ATP10B: variants seen among roughly 807,000 people sequenced by gnomAD.
The protein encoded by ATP10B is phospholipid-transporting ATPase VB.
Under a neutral mutation model 141.2 loss-of-function variants are expected in ATP10B, and 122 were observed. The ratio of observed to expected loss-of-function variants is 0.86; its 90% CI spans 0.75 to 1.00. The LOEUF is 1.00. Among genes scored for constraint, ATP10B ranks in the 50% least tolerant of loss-of-function variants. The pLI, the probability that ATP10B is intolerant of heterozygous loss-of-function variation, is 0.00. For missense variants in ATP10B, 1,876 were observed against 1,825.3 expected (o/e 1.03, Z -0.51); for synonymous variants, 685 against 692.0 (o/e 0.99, Z 0.16).
intron 7 of ATP10B, among the ~76,000 whole-genome samples, chr5:160,656,260 G>T (rs1761486075): frequency 6.6e-6 from 1 of 152,132 alleles, no homozygotes; most frequent in Non-Finnish European, 1.5e-5. Context: ...TGGCTTTCTT[G>T]TGGGAAACTG....
intron 1 of ATP10B, among the ~76,000 whole-genome samples, chr5:160,813,438 G>A (rs898576118): frequency 1.3e-5 from 2 of 152,214 alleles, no homozygotes; most frequent in African/African-American, 4.8e-5. Flanking sequence ...GCTGGGGGAA[G>A]GGCACCCACC....
rs568208278 is a variant in ATP10B, at chr5:160,685,105, C to T, written c.470+974G>A. ...CTTGCTGGTCTTGATTTGATTCCCA[C>T]GATGATGTCTGTTGGGGTTCTCTTT... On this transcript the variant is annotated intron_variant, in intron 6 of 25. Transcript: ENST00000327245. 2.3e-4 allele frequency: 165 copies of T among 703,418 alleles called. No individual in the cohort carries two copies. In the African/African-American group the frequency reaches 2.4e-3, roughly 10 times the overall value. The allele number at this position is 703,418 out of a possible 1,614,324, so 43.6% of individuals were successfully genotyped here.
rs76820391 is a variant in ATP10B at position 160,799,555 on chromosome 5, T to G, written c.-575-13752A>C. 8.5e-4 allele frequency among the ~76,000 whole-genome samples: 129 copies of G among 151,882 alleles called. 2 individuals are homozygous for G. In the East Asian group the frequency reaches 0.024, roughly 28 times the overall value. ...TGACATTGGTATGAAAAGTGCTTAT[T>G]TGAGGGCGAGAGAGCATGTTTCTTC... On this transcript the variant is annotated intron_variant, in intron 1 of 25. Transcript: ENST00000327245.
Position 160,649,203 on chromosome 5 carries a change from G to T in ATP10B, c.729C>A (p.Pro243=). ...LFHNTIVCEK[P]NNHLNKFKGY... ...CCTTAAATTTGTTGAGGTGGTTGTTGGGTTTCTCACACACGATGGTATTGT... is the reference window on the plus strand; with the variant it reads ...CCTTAAATTTGTTGAGGTGGTTGTTTGGTTTCTCACACACGATGGTATTGT... The change falls in exon 8 of 26, where the codon CCC becomes CCA. Residue 243 remains proline (P), a synonymous_variant. Coordinates refer to ENST00000327245, the MANE Select transcript of ATP10B (RefSeq NM_025153.3). 1 of 1,613,826 alleles carries T rather than the reference G, an allele frequency of 6.2e-7. No individual in the cohort carries two copies. Among genetic ancestry groups the T allele is most frequent in the Non-Finnish European group, 8.5e-7 (1 of 1,179,820 alleles).
At chr5:160,619,840 C>T (rs972588883) in intron 15 of ATP10B, among the ~76,000 whole-genome samples, 1 of 152,148 alleles carries the variant, frequency 6.6e-6, no homozygotes, top group Non-Finnish European at 1.5e-5. Flanking sequence ...CCAGAGTACA[C>T]CAAGCCCAGT....
At position 160,634,379 on chromosome 5, in the gene ATP10B, G is replaced by T; in HGVS notation, c.1356C>A (p.Gly452=). The T allele has an allele frequency of 6.2e-7, 1 of 1,614,146 alleles. No homozygotes were observed. The highest frequency in any genetic ancestry group is 8.5e-7 in the Non-Finnish European group (1 of 1,180,016). ...KMVFRRCTIM[G]SEYSHQENAK... Reference sequence around the variant, plus strand: ...CATTTTCTTGGTGAGAATACTCGCTGCCCATGATGGTGCAACGTCGGAACA... The same window carrying T: ...CATTTTCTTGGTGAGAATACTCGCTTCCCATGATGGTGCAACGTCGGAACA... Residue 452 remains glycine, a synonymous_variant, in exon 12 of 26, where the codon GGC becomes GGA. Transcript: ENST00000327245.
chr5:160,813,440 G>A (rs995503560), intron 1 of ATP10B, among the ~76,000 whole-genome samples: 11 of 152,200 alleles, frequency 7.2e-5, no homozygotes, highest in African/African-American at 2.7e-4. Context: ...TGGGGGAAGG[G>A]CACCCACCAC....
At chr5:160,784,260 G>A (rs1337907990) in intron 2 of ATP10B, among the ~76,000 whole-genome samples, 1 of 152,124 alleles carries the variant, frequency 6.6e-6, no homozygotes, top group Non-Finnish European at 1.5e-5. Flanking sequence ...GCTGCACAAA[G>A]CAATTGCCTA....
At chr5:160,677,569 A>AG (rs1168772633) in intron 6 of ATP10B, among the ~76,000 whole-genome samples, 2 of 152,164 alleles carry the variant, frequency 1.3e-5, no homozygotes, top group Non-Finnish European at 2.9e-5. Flanking sequence ...TCTTTCATGC[A>AG]GTTCCAAACT....
chr5:160,649,105 C>A, intron 8 of ATP10B, 66 bp downstream of exon 8: 1 of 1,225,506 alleles, frequency 8.2e-7, no homozygotes, highest in South Asian at 1.2e-5. Flanking sequence ...TTGGTCATTT[C>A]TAGACAATAT....
At chr5:160,594,504 C>T (rs1040304682) in intron 22 of ATP10B, among the ~76,000 whole-genome samples, 4 of 152,092 alleles carry the variant, frequency 2.6e-5, no homozygotes, top group Non-Finnish European at 5.9e-5. Context: ...AACCAGCTAA[C>T]ATCATAATGA....
chr5:160,696,419 A>C (rs1455590150), intron 3 of ATP10B, among the ~76,000 whole-genome samples: 1 of 152,142 alleles, frequency 6.6e-6, no homozygotes, highest in African/African-American at 2.4e-5. Flanking sequence ...AAAAGCTTCA[A>C]TATTAACTTT....
chr5:160,648,929 T>TG (rs201951463), intron 8 of ATP10B, among the ~76,000 whole-genome samples: 95 of 150,424 alleles, frequency 6.3e-4, no homozygotes, highest in African/African-American at 2.3e-3. Context: ...TACTAAGGTT[T>TG]TTTTTTTTTT....
intron 1 of ATP10B, among the ~76,000 whole-genome samples, chr5:160,840,618 C>T (rs1351981698): frequency 2.0e-5 from 3 of 151,930 alleles, no homozygotes; most frequent in Non-Finnish European, 4.4e-5. Flanking sequence ...TTGGTGAGTT[C>T]CCCTATATTC....
At chr5:160,842,819 C>T (rs1032638515) in intron 1 of ATP10B, among the ~76,000 whole-genome samples, 3 of 151,982 alleles carry the variant, frequency 2.0e-5, no homozygotes, top group African/African-American at 7.2e-5. Flanking sequence ...CACACACACA[C>T]ACACACAAAA....
intron 7 of ATP10B, among the ~76,000 whole-genome samples, chr5:160,656,721 C>G (rs956374681): frequency 6.6e-6 from 1 of 151,564 alleles, no homozygotes; most frequent in Non-Finnish European, 1.5e-5. Context: ...TTAAATGGAA[C>G]CCATAGGCAT....
chr5:160,738,448 A>G (rs1371395084), intron 2 of ATP10B, among the ~76,000 whole-genome samples: 1 of 152,100 alleles, frequency 6.6e-6, no homozygotes, highest in Non-Finnish European at 1.5e-5. Flanking sequence ...GGCATAAGAA[A>G]TGGAGATAAA....
At chr5:160,722,985 G>A (rs950788985) in intron 2 of ATP10B, among the ~76,000 whole-genome samples, 3 of 152,194 alleles carry the variant, frequency 2.0e-5, no homozygotes, top group Non-Finnish European at 4.4e-5. Context: ...ACTGATGGCT[G>A]TGTTTAGATA....
chr5:160,718,341 A>C (rs1765778885), intron 2 of ATP10B, among the ~76,000 whole-genome samples: 1 of 152,186 alleles, frequency 6.6e-6, no homozygotes, highest in Non-Finnish European at 1.5e-5. Context: ...TCAGTACAGC[A>C]TGGCAGATTT....
Sources: allele counts gnomAD v4.1 joint callset (sites outside exome capture counted in the v4.1 genomes callset), GRCh38; gene constraint gnomAD v4.1.1; transcripts MANE v1.5; gene names NCBI Gene and HGNC (gene_info 2026-07-23, HGNC 2026-07-21).